DPH6: variants seen among roughly 807,000 people sequenced by gnomAD.
The protein encoded by DPH6 is diphthamine biosynthesis 6.
In DPH6, 33 loss-of-function variants were observed where a neutral mutation model predicts 38.2. The observed-to-expected ratio is 0.86, with a 90% CI of 0.65 to 1.15. The LOEUF (loss-of-function observed/expected upper bound fraction) is 1.15, where lower values mean the gene tolerates loss of function less well. Among genes scored for constraint, DPH6 ranks in the 50% most tolerant of loss-of-function variants. DPH6 has a pLI of 0.00. For missense variants in DPH6, 325 were observed against 320.0 expected (o/e 1.02, Z -0.12); for synonymous variants, 108 against 103.0 (o/e 1.05, Z -0.30).
At chr15:35,158,724 C>G in the DPH6 span, among the ~76,000 whole-genome samples, 165 of 152,084 alleles carry the variant, frequency 1.1e-3, 4 homozygotes, top group East Asian at 0.03. Context: ...GCCTACATAC[C>G]AGCATACACA....
downstream of DPH6, among the ~76,000 whole-genome samples, chr15:35,368,735 G>A (rs1230716072): frequency 1.3e-5 from 2 of 151,832 alleles, no homozygotes; most frequent in Non-Finnish European, 2.9e-5. Flanking sequence ...GAACAGTTGT[G>A]TTAAATAACA....
intron 3 of DPH6, among the ~76,000 whole-genome samples, chr15:35,352,608 A>G (rs914055985): frequency 2.6e-5 from 4 of 152,022 alleles, no homozygotes; most frequent in African/African-American, 9.7e-5. Context: ...AAGGACATGA[A>G]CTCATCATTT....
chr15:35,203,077 T>C, the DPH6 span, among the ~76,000 whole-genome samples: 8 of 151,802 alleles, frequency 5.3e-5, no homozygotes, highest in Non-Finnish European at 1.0e-4. Flanking sequence ...GGCAAATAAA[T>C]ATAATTTTTG....
intron 6 of DPH6, among the ~76,000 whole-genome samples, chr15:35,405,687 A>G (rs1468949216): frequency 1.3e-5 from 2 of 152,060 alleles, no homozygotes; most frequent in African/African-American, 2.4e-5. Context: ...TGGATGCTCT[A>G]TATCTTTCTC....
At chr15:35,521,638 T>G in intron 3 of DPH6, 1 of 1,230,292 alleles carries the variant, frequency 8.1e-7, no homozygotes, top group East Asian at 3.2e-5. Context: ...AGGCAATGTA[T>G]TTTTAATATG....
intron 3 of DPH6, among the ~76,000 whole-genome samples, chr15:35,461,124 G>T (rs913138445): frequency 2.0e-5 from 3 of 151,832 alleles, no homozygotes; most frequent in Non-Finnish European, 4.4e-5. Context: ...TCGCTCTGTC[G>T]CCCAGGCTGG....
At chr15:35,511,909 T>C (rs1167122723) in intron 3 of DPH6, among the ~76,000 whole-genome samples, 1 of 152,192 alleles carries the variant, frequency 6.6e-6, no homozygotes, top group East Asian at 1.9e-4. Flanking sequence ...TTCTTACAAA[T>C]GAGCTATTAT....
At chr15:35,431,583 G>C (rs917579431) in intron 5 of DPH6, among the ~76,000 whole-genome samples, 9 of 151,886 alleles carry the variant, frequency 5.9e-5, no homozygotes, top group African/African-American at 1.9e-4. Context: ...AAATTAACTA[G>C]GTATACTTTC....
intron 3 of DPH6, among the ~76,000 whole-genome samples, chr15:35,515,715 C>A (rs999347598): frequency 9.4e-6 from 1 of 105,842 alleles, no homozygotes; most frequent in Non-Finnish European, 1.8e-5. Flanking sequence ...AGCGAGACTC[C>A]GTCTCAGAAA....
At chr15:35,214,669 A>T (rs1179809118), downstream of DPH6, among the ~76,000 whole-genome samples, 1 of 152,012 alleles carries the variant, frequency 6.6e-6, no homozygotes, top group African/African-American at 2.4e-5. Flanking sequence ...GTGCAGCGGC[A>T]CGATCTCAGC....
At chr15:35,259,712 T>A (rs1439896348) in intron 3 of DPH6, among the ~76,000 whole-genome samples, 1 of 152,212 alleles carries the variant, frequency 6.6e-6, no homozygotes, top group Non-Finnish European at 1.5e-5. Context: ...GCAGCCAATA[T>A]AAGTCCTAAA....
At chr15:35,338,870 A>T (rs1295367618) in intron 3 of DPH6, among the ~76,000 whole-genome samples, 1 of 152,196 alleles carries the variant, frequency 6.6e-6, no homozygotes, top group Non-Finnish European at 1.5e-5. Flanking sequence ...TGATGAGTTC[A>T]TGTCCTTTGT....
At chr15:35,352,525 G>T (rs1048267079) in intron 3 of DPH6, among the ~76,000 whole-genome samples, 1 of 152,106 alleles carries the variant, frequency 6.6e-6, no homozygotes, top group Non-Finnish European at 1.5e-5. Flanking sequence ...GTGAGAACAT[G>T]TGATATTTGG....
intron 3 of DPH6, among the ~76,000 whole-genome samples, chr15:35,496,237 T>C (rs1382638587): frequency 6.6e-6 from 1 of 151,908 alleles, no homozygotes; most frequent in Non-Finnish European, 1.5e-5. Flanking sequence ...AATACACGTA[T>C]CTGAAAAAGG....
At chr15:35,352,597 A>G (rs1233583245) in intron 3 of DPH6, among the ~76,000 whole-genome samples, 2 of 152,218 alleles carry the variant, frequency 1.3e-5, no homozygotes, top group Non-Finnish European at 1.5e-5. Flanking sequence ...GTGTCCCTAC[A>G]AAGGACATGA....
the DPH6 span, among the ~76,000 whole-genome samples, chr15:35,206,945 T>C: frequency 6.9e-6 from 1 of 145,728 alleles, no homozygotes; most frequent in Non-Finnish European, 1.5e-5. Context: ...CATAAAACCA[T>C]CATATCATAT....
chr15:35,353,301 A>G lies in DPH6; in HGVS notation n.207+20220T>C, dbSNP rs531243924. Among the ~76,000 whole-genome samples the G allele has an allele frequency of 2.8e-3, 423 of 152,218 alleles. 4 individuals carry two copies. Among genetic ancestry groups the G allele is most frequent in the Non-Finnish European group, 5.1e-3 (350 of 68,008 alleles). ...TAGTTTAATTAGATCCCATTTGTCAATTTTGGCTTTTGTTGCCATTGCTTT... is the reference window on the plus strand; with the variant it reads ...TAGTTTAATTAGATCCCATTTGTCAGTTTTGGCTTTTGTTGCCATTGCTTT... On this transcript the variant is annotated intron_variant and non_coding_transcript_variant, in intron 3 of 3. Coordinates refer to the DPH6 transcript ENST00000558973.
At chr15:35,261,434 C>T (rs2051745633) in intron 3 of DPH6, among the ~76,000 whole-genome samples, 1 of 152,132 alleles carries the variant, frequency 6.6e-6, no homozygotes, top group Non-Finnish European at 1.5e-5. Context: ...TAACTCTTGA[C>T]TTCTCAAAAT....
the DPH6 span, among the ~76,000 whole-genome samples, chr15:35,203,778 T>C: frequency 9.9e-5 from 15 of 151,844 alleles, no homozygotes; most frequent in African/African-American, 3.6e-4. Flanking sequence ...TAACCAATTA[T>C]GTTAATTAAT....
Sources: gnomAD v4.1 joint callset for allele counts (sites outside exome capture counted in the v4.1 genomes callset) on GRCh38, gnomAD v4.1.1 for gene constraint, MANE v1.5 for transcripts, NCBI Gene and HGNC (gene_info 2026-07-23, HGNC 2026-07-21) for gene names.